The following EXTL3 variants were observed in gnomAD, a reference collection of about 807,000 sequenced individuals.
The protein encoded by EXTL3 is exostosin like glycosyltransferase 3.
Under a neutral mutation model 69.3 loss-of-function variants are expected in EXTL3, and 27 were observed. That is an observed-to-expected ratio of 0.39 (90% confidence interval 0.29 to 0.54). The LOEUF is 0.54. EXTL3 is among the 20% of genes least tolerant of loss of function. EXTL3 has a pLI of 0.69. For synonymous variants in EXTL3, 511 were observed against 499.4 expected, an observed-to-expected ratio of 1.02 and a Z score of -0.31; for missense variants, 1,003 against 1,231.8, an observed-to-expected ratio of 0.81 and a Z score of 2.78.
chr8:28,682,557 C>T (rs1807507016), intron 1 of EXTL3, among the ~76,000 whole-genome samples: 1 of 152,178 alleles, frequency 6.6e-6, no homozygotes, highest in East Asian at 1.9e-4. Context: ...ATTCTCCTGC[C>T]TCAGCCTCCC....
At chr8:28,644,924 A>G (rs1360564897) in intron 1 of EXTL3, among the ~76,000 whole-genome samples, 1 of 152,172 alleles carries the variant, frequency 6.6e-6, no homozygotes, top group Admixed American at 6.5e-5. Flanking sequence ...TGCCTGATGC[A>G]ATGTTCTGTA....
intron 3 of EXTL3, among the ~76,000 whole-genome samples, chr8:28,724,614 AAAAAG>A (rs1487082773): frequency 7.3e-6 from 1 of 137,668 alleles, no homozygotes; most frequent in Non-Finnish European, 1.6e-5. Context: ...TTAAAAAAAA[AAAAAG>A]AAGAAGAAAA....
At chr8:28,724,140 T>C (rs138006878) in intron 3 of EXTL3, among the ~76,000 whole-genome samples, 62 of 152,196 alleles carry the variant, frequency 4.1e-4, no homozygotes, top group African/African-American at 1.4e-3. Context: ...ACTGCTAATA[T>C]CATGTTATAA....
At chr8:28,611,431 G>A (rs911433001) in intron 2 of EXTL3, among the ~76,000 whole-genome samples, 1 of 152,090 alleles carries the variant, frequency 6.6e-6, no homozygotes, top group African/African-American at 2.4e-5. Context: ...TCCAGCCTGG[G>A]TGACAGAGTG....
chr8:28,699,037 AG>A (rs1800730077), upstream of EXTL3, among the ~76,000 whole-genome samples: 1 of 152,204 alleles, frequency 6.6e-6, no homozygotes. Flanking sequence ...GCACAGTGGA[AG>A]GGATCTATGG....
At chr8:28,705,208 G>C (rs539703229) in intron 1 of EXTL3, among the ~76,000 whole-genome samples, 1 of 152,194 alleles carries the variant, frequency 6.6e-6, no homozygotes, top group Non-Finnish European at 1.5e-5. Flanking sequence ...CAAGGCAATT[G>C]TCAGTGAGGG....
At chr8:28,727,855 C>T (rs933410685) in intron 3 of EXTL3, among the ~76,000 whole-genome samples, 8 of 152,156 alleles carry the variant, frequency 5.3e-5, no homozygotes, top group African/African-American at 7.2e-5. Context: ...CTACAGGCTC[C>T]GGTGGTGTGT....
Position 28,743,182 on chromosome 8 carries a change from G to A in EXTL3, c.2518G>A (p.Val840Ile), listed in dbSNP as rs1801815101. ...NCEDIAMNFL[V>I]SHITRKPPIK... The stretch of plus-strand genomic sequence containing the variant: ...TGAGGACATTGCCATGAACTTCCTT[G>A]TCTCCCACATCACTCGGAAGCCCCC... The change falls in exon 6 of 7, where the codon GTC becomes ATC. Residue 840 changes from valine to isoleucine, a missense_variant. Val to Ile is a conservative substitution (Grantham distance 29). Around this residue, in one of 2 missense-constraint regions of EXTL3, gnomAD observed 261 missense variants for 416.4 expected, o/e 0.63. Coordinates refer to ENST00000220562, the MANE Select transcript of EXTL3 (RefSeq NM_001440.4). The A allele has an allele frequency of 6.2e-7, 1 of 1,614,196 alleles. No homozygotes were observed. Among genetic ancestry groups the A allele is most frequent in the African/African-American group, 1.3e-5 (1 of 75,052 alleles).
At position 28,717,122 on chromosome 8, in the gene EXTL3, T is replaced by C. The variant is rs921246109; in HGVS notation, c.1063T>C (p.Ser355Pro). The C allele has an allele frequency of 1.2e-6, 2 of 1,614,188 alleles. No individual in the cohort carries two copies. Among genetic ancestry groups the C allele is most frequent in the African/African-American group, 1.3e-5 (1 of 75,044 alleles). ...GGGCGAGAAGATTGAGTCTCTGAGG[T>C]CTAGCCTTCAGGAGGCCCGCTCCTT... is the stretch of plus-strand genomic sequence containing the variant. ...FQGEKIESLRSSLQEARSFEE... is the reference protein window; with the variant it reads ...FQGEKIESLRPSLQEARSFEE... Residue 355 changes from serine to proline, a missense_variant, in exon 3 of 7, where the codon TCT becomes CCT. Physicochemically the swap from Ser to Pro is moderately conservative, Grantham distance 74. Coordinates refer to ENST00000220562, the MANE Select transcript of EXTL3 (RefSeq NM_001440.4). This position sits in a 1 kb window ranked among gnomAD's most constrained non-coding sequence, Gnocchi z 8.3.
intron 1 of EXTL3, among the ~76,000 whole-genome samples, chr8:28,664,279 C>G (rs1807159978): frequency 6.6e-6 from 1 of 152,232 alleles, no homozygotes; most frequent in Admixed American, 6.5e-5. Context: ...GGTAGGGACC[C>G]TCTCCCTGGC....
chr8:28,737,734 C>T, intron 5 of EXTL3, 71 bp downstream of exon 5: 1 of 1,523,864 alleles, frequency 6.6e-7, no homozygotes, highest in Non-Finnish European at 9.1e-7. Flanking sequence ...CGGAATGCTG[C>T]CCTCAGCTTA....
chr8:28,690,686 C>T (rs977322160), intron 1 of EXTL3, among the ~76,000 whole-genome samples: 1 of 152,138 alleles, frequency 6.6e-6, no homozygotes, highest in African/African-American at 2.4e-5. Context: ...TGGCAGGAAG[C>T]CTCAGTCCCT....
intron 1 of EXTL3, among the ~76,000 whole-genome samples, chr8:28,683,642 G>A (rs1323187226): frequency 2.0e-5 from 3 of 152,002 alleles, no homozygotes; most frequent in Non-Finnish European, 4.4e-5. Flanking sequence ...GTGAAACCCT[G>A]TCTCTACTAA....
At position 28,717,266 on chromosome 8, in the gene EXTL3, C is replaced by G; in HGVS notation, c.1207C>G (p.Gln403Glu). Residue 403 changes from glutamine to glutamate, a missense_variant, in exon 3 of 7, where the codon CAG becomes GAG. Transcript: ENST00000220562. This position sits in a 1 kb window ranked among gnomAD's most constrained non-coding sequence, Gnocchi z 8.3. ...QVLVEFTCKNQPKPSLPTEWA... is the reference protein window; with the variant it reads ...QVLVEFTCKNEPKPSLPTEWA... ...CCTGGTGGAATTCACCTGCAAAAACCAGCCCAAACCCAGCCTGCCGACTGA... is the reference window on the plus strand; with the variant it reads ...CCTGGTGGAATTCACCTGCAAAAACGAGCCCAAACCCAGCCTGCCGACTGA... 1.2e-6 allele frequency: 2 copies of G among 1,614,236 alleles called. No individual in the cohort carries two copies. The highest frequency in any genetic ancestry group is 1.7e-6 in the Non-Finnish European group (2 of 1,180,046).
intron 2 of EXTL3, among the ~76,000 whole-genome samples, chr8:28,609,901 TAA>T (rs35274445): frequency 0.09 from 11,006 of 122,282 alleles, 1,223 homozygotes; most frequent in African/African-American, 0.26. Flanking sequence ...AAAAAATAAT[TAA>T]AAAAAAAAAA....
intron 1 of EXTL3, among the ~76,000 whole-genome samples, chr8:28,694,375 C>T (rs1421180084): frequency 6.6e-6 from 1 of 152,252 alleles, no homozygotes; most frequent in East Asian, 1.9e-4. Context: ...CTTCTCTAGA[C>T]AGCCGATCTT....
chr8:28,631,243 T>G (rs1806566923), intron 1 of EXTL3, among the ~76,000 whole-genome samples: 1 of 152,090 alleles, frequency 6.6e-6, no homozygotes, highest in Non-Finnish European at 1.5e-5. Context: ...TAACATTTTA[T>G]GGACAGCTCT....
At chr8:28,637,077 A>G (rs972876322) in intron 1 of EXTL3, among the ~76,000 whole-genome samples, 17 of 152,202 alleles carry the variant, frequency 1.1e-4, no homozygotes, top group African/African-American at 3.9e-4. Flanking sequence ...CAGCCAACCT[A>G]AAAGTTCCTC....
intron 1 of EXTL3, among the ~76,000 whole-genome samples, chr8:28,705,151 G>C (rs1001434026): frequency 6.6e-5 from 10 of 152,154 alleles, no homozygotes; most frequent in African/African-American, 2.4e-4. Flanking sequence ...TAGGTAGGGT[G>C]GTGAAATTTT....
Sources: allele counts gnomAD v4.1 joint callset (sites outside exome capture counted in the v4.1 genomes callset), GRCh38; gene constraint gnomAD v4.1.1; regional missense constraint gnomAD v4.1.1; non-coding constraint Gnocchi (gnomAD v3.1); transcripts MANE v1.5; gene names NCBI Gene and HGNC (gene_info 2026-07-23, HGNC 2026-07-21).